The following CHCHD6 variants were observed in gnomAD, a reference collection of about 807,000 sequenced individuals.
The protein encoded by CHCHD6 is MICOS complex subunit MIC25.
Under a neutral mutation model 32.3 loss-of-function variants are expected in CHCHD6, and 28 were observed. The observed-to-expected ratio is 0.87, with a 90% CI of 0.64 to 1.19. The LOEUF (loss-of-function observed/expected upper bound fraction) is 1.19. Ranked by LOEUF, CHCHD6 falls within the 50% of genes most tolerant of loss-of-function variation. The probability of loss-of-function intolerance (pLI) is 0.00; values close to 1 mark genes in which losing one functional copy is unlikely to be tolerated. For synonymous variants in CHCHD6, 122 were observed against 117.5 expected, an observed-to-expected ratio of 1.04 and a Z score of -0.25; for missense variants, 333 against 307.0, an observed-to-expected ratio of 1.08 and a Z score of -0.63.
chr3:126,748,386 G>A (rs1415318557), intron 4 of CHCHD6, among the ~76,000 whole-genome samples: 2 of 152,148 alleles, frequency 1.3e-5, no homozygotes, highest in Non-Finnish European at 2.9e-5. Context: ...CCTGAGGTCA[G>A]GAATTCGAGA....
At chr3:126,895,300 C>A (rs1191503931) in intron 5 of CHCHD6, among the ~76,000 whole-genome samples, 1 of 152,178 alleles carries the variant, frequency 6.6e-6, no homozygotes, top group Admixed American at 6.5e-5. Flanking sequence ...GAAAGGATTC[C>A]TCTGAGAGCT....
chr3:126,948,295 C>T (rs1398952324), intron 6 of CHCHD6, among the ~76,000 whole-genome samples: 3 of 152,330 alleles, frequency 2.0e-5, no homozygotes, highest in Non-Finnish European at 4.4e-5. Flanking sequence ...GGTCCAGTCT[C>T]GCCCTCAGGC....
At chr3:126,945,230 C>T (rs577714443) in intron 6 of CHCHD6, among the ~76,000 whole-genome samples, 1 of 151,896 alleles carries the variant, frequency 6.6e-6, no homozygotes, top group Non-Finnish European at 1.5e-5. Context: ...TGGAGCTGGC[C>T]AGCCCTCGGG....
chr3:126,800,038 T>G (rs149688887), intron 4 of CHCHD6, among the ~76,000 whole-genome samples: 2 of 152,362 alleles, frequency 1.3e-5, no homozygotes, highest in Middle Eastern at 3.4e-3. Flanking sequence ...ATTTCCTGTT[T>G]TTAATATTAA....
chr3:126,770,282 A>T (rs774290624), intron 4 of CHCHD6, among the ~76,000 whole-genome samples: 8 of 152,168 alleles, frequency 5.3e-5, no homozygotes, highest in Non-Finnish European at 1.0e-4. Flanking sequence ...GCAAATAGGG[A>T]TAATTTGACT....
chr3:126,747,060 A>G (rs1314537249), intron 4 of CHCHD6, among the ~76,000 whole-genome samples: 2 of 152,094 alleles, frequency 1.3e-5, no homozygotes, highest in African/African-American at 4.8e-5. Context: ...CTCAGCTTTC[A>G]TGGCTGTGTA....
intron 5 of CHCHD6, among the ~76,000 whole-genome samples, chr3:126,859,216 A>G (rs1472277119): frequency 1.3e-5 from 2 of 152,072 alleles, no homozygotes; most frequent in Non-Finnish European, 1.5e-5. Flanking sequence ...GCCTTTGCCC[A>G]GAAGGCTTCT....
chr3:126,751,544 T>G (rs979335660), intron 4 of CHCHD6, among the ~76,000 whole-genome samples: 3 of 150,880 alleles, frequency 2.0e-5, no homozygotes, highest in Non-Finnish European at 4.4e-5. Context: ...TTGCCCTAAC[T>G]TGATTTTTAT....
intron 4 of CHCHD6, among the ~76,000 whole-genome samples, chr3:126,850,348 T>C (rs1168991768): frequency 2.0e-5 from 3 of 152,252 alleles, no homozygotes; most frequent in Non-Finnish European, 2.9e-5. Flanking sequence ...TGGACATGAA[T>C]AGAAAAGTAG....
chr3:126,859,897 C>T (rs151122882), intron 5 of CHCHD6, among the ~76,000 whole-genome samples: 2 of 152,278 alleles, frequency 1.3e-5, no homozygotes, highest in Non-Finnish European at 2.9e-5. Context: ...CGTGAAGGCC[C>T]CGTGAGCTGT....
At chr3:126,957,862 G>A (rs1030818544) in intron 7 of CHCHD6, 7 of 466,240 alleles carry the variant, frequency 1.5e-5, no homozygotes, top group African/African-American at 1.2e-4. Context: ...CCCCTTGTGG[G>A]TGCCGGGGAC....
At chr3:126,898,015 G>A (rs2107581355) in intron 5 of CHCHD6, among the ~76,000 whole-genome samples, 1 of 152,320 alleles carries the variant, frequency 6.6e-6, no homozygotes, top group South Asian at 2.1e-4. Context: ...TGTGTGGAGA[G>A]GCCCTGCAAA....
chr3:126,727,063 T>C lies in CHCHD6; in HGVS notation c.88-15T>C. 1 of 1,597,924 alleles carries C rather than the reference T, an allele frequency of 6.3e-7. No homozygotes were observed. The highest frequency in any genetic ancestry group is 8.6e-7 in the Non-Finnish European group (1 of 1,165,832). ...TGACATAACTTTTTCTTTTCCCTCT[T>C]TTCTGCTTCCTTAGCTGTCTGAAAA... On this transcript the variant is annotated splice_polypyrimidine_tract_variant and intron_variant, in intron 1 of 7. Transcript: ENST00000290913.
chr3:126,716,488 TCTC>T (rs1280845955), intron 1 of CHCHD6, among the ~76,000 whole-genome samples: 1 of 151,940 alleles, frequency 6.6e-6, no homozygotes, highest in African/African-American at 2.4e-5. Flanking sequence ...TCTGTATCTG[TCTC>T]CTCCACCCTG....
At chr3:126,854,234 G>T (rs1309716834) in intron 5 of CHCHD6, among the ~76,000 whole-genome samples, 1 of 152,216 alleles carries the variant, frequency 6.6e-6, no homozygotes, top group Non-Finnish European at 1.5e-5. Context: ...ATATGCAGGT[G>T]TGGGCTTTTT....
chr3:126,865,382 GTCA>G lies in CHCHD6; in HGVS notation c.495+12658_495+12660del, dbSNP rs1942255435. ...CCCCACCACCACCACCACCATTTCT[GTCA>G]TCATCTCCACCTCTGCAGCCTCCAC... On this transcript the variant is annotated intron_variant, in intron 5 of 7. Coordinates refer to ENST00000290913, the MANE Select transcript of CHCHD6 (RefSeq NM_032343.3). 1.9e-5 allele frequency: 3 copies of G among 159,486 alleles called. No individual in the cohort carries two copies. In the South Asian group the frequency reaches 6.1e-4, roughly 33 times the overall value. 9.9% of individuals were successfully genotyped at this position (159,486 alleles called of 1,614,324 possible). A position where few individuals can be genotyped will look rare whatever the true frequency, so the allele number is the denominator to read the frequency against.
chr3:126,739,696 T>G (rs907203441), intron 4 of CHCHD6, among the ~76,000 whole-genome samples: 12 of 152,250 alleles, frequency 7.9e-5, no homozygotes, highest in African/African-American at 2.9e-4. Context: ...ACTTCTACTT[T>G]AATTCCTGGT....
At chr3:126,757,955 C>T (rs950360536) in intron 4 of CHCHD6, among the ~76,000 whole-genome samples, 2 of 152,208 alleles carry the variant, frequency 1.3e-5, no homozygotes, top group Non-Finnish European at 2.9e-5. Context: ...GCCCAGTGCC[C>T]TACCAGATTA....
chr3:126,912,852 G>A (rs2078111010), intron 5 of CHCHD6, among the ~76,000 whole-genome samples: 1 of 152,230 alleles, frequency 6.6e-6, no homozygotes, highest in Non-Finnish European at 1.5e-5. Context: ...ATCTGGACCT[G>A]CCTTCCATGC....
Sources: allele counts gnomAD v4.1 joint callset (sites outside exome capture counted in the v4.1 genomes callset), GRCh38; gene constraint gnomAD v4.1.1; transcripts MANE v1.5; gene names NCBI Gene and HGNC (gene_info 2026-07-23, HGNC 2026-07-21).